The following KNTC1 variants were observed in gnomAD, a reference collection of about 807,000 sequenced individuals.
KNTC1 encodes the protein kinetochore associated 1, also known as kinetochore-associated protein 1.
In KNTC1, 253 loss-of-function variants were observed where a neutral mutation model predicts 314.4. The ratio of observed to expected loss-of-function variants is 0.80; its 90% confidence interval spans 0.73 to 0.89. The LOEUF (loss-of-function observed/expected upper bound fraction) is 0.89. Ranked by LOEUF, KNTC1 falls within the 40% of genes least tolerant of loss-of-function variation. KNTC1 has a pLI of 0.00. For missense variants in KNTC1, 2,475 were observed against 2,572.9 expected, an observed-to-expected ratio of 0.96 and a Z score of 0.82; for synonymous variants, 901 against 901.4, an observed-to-expected ratio of 1.00 and a Z score of 0.01.
At chr12:122,580,059 A>C in intron 32 of KNTC1, 82 bp downstream of exon 32, 1 of 872,152 alleles carries the variant, frequency 1.1e-6, no homozygotes. Context: ...GACAACTCTC[A>C]CCGTACCCGC....
At position 122,591,539 on chromosome 12, in the gene KNTC1, T is replaced by C. The variant is rs1192492960; in HGVS notation, c.4245+86T>C. On this transcript the variant is annotated intron_variant, in intron 42 of 63. Coordinates refer to ENST00000333479, the MANE Select transcript of KNTC1 (RefSeq NM_014708.6). Reference sequence around the variant, plus strand: ...ACAAAGATTCTGTTGTTCTTTACTTTTGGGAGGAGAGTGTATGTGTACTGC... The same window carrying C: ...ACAAAGATTCTGTTGTTCTTTACTTCTGGGAGGAGAGTGTATGTGTACTGC... The C allele has an allele frequency of 6.3e-6, 5 of 787,698 alleles. No individual in the cohort carries two copies. The East Asian group carries it at 9.9e-5, about 16-fold the overall frequency. The allele number at this position is 787,698 out of a possible 1,614,324, so 48.8% of individuals were successfully genotyped here. A position where few individuals can be genotyped will look rare whatever the true frequency, so the allele number is the denominator to read the frequency against.
At chr12:122,579,516 A>T (rs1965260534) in intron 31 of KNTC1, among the ~76,000 whole-genome samples, 1 of 152,118 alleles carries the variant, frequency 6.6e-6, no homozygotes, top group Admixed American at 6.6e-5. Flanking sequence ...AATTTTTTTA[A>T]ATAATCACTG....
At chr12:122,551,397 T>A in intron 14 of KNTC1, 35 bp downstream of exon 14, 1 of 1,575,310 alleles carries the variant, frequency 6.3e-7, no homozygotes, top group Non-Finnish European at 8.7e-7. Flanking sequence ...GTAATAGCTA[T>A]GTTAAATTTT....
Position 122,574,293 on chromosome 12 carries a change from T to C in KNTC1, c.2295T>C (p.Asn765=), listed in dbSNP as rs768380870. ...TTATCCCTTTTTAGGATTTACTGAATAGATGCAGCTCAAAGTCCACATCAC... is the reference window on the plus strand; with the variant it reads ...TTATCCCTTTTTAGGATTTACTGAACAGATGCAGCTCAAAGTCCACATCAC... ...LLLLYIEDLL[N]RCSSKSTSLF... Residue 765 remains asparagine (N), a synonymous_variant, in exon 27 of 64, where the codon AAT becomes AAC. Coordinates refer to ENST00000333479, the MANE Select transcript of KNTC1 (RefSeq NM_014708.6). The C allele has an allele frequency of 2.5e-6, 4 of 1,599,308 alleles. No individual in the cohort carries two copies. The highest frequency in any genetic ancestry group is 2.2e-5 in the South Asian group (2 of 89,688).
At chr12:122,614,794 T>C (rs1023217236) in intron 55 of KNTC1, among the ~76,000 whole-genome samples, 197 bp from the exon 56 acceptor site, 1 of 151,454 alleles carries the variant, frequency 6.6e-6, no homozygotes, top group African/African-American at 2.4e-5. Context: ...GGCAGGAGAA[T>C]CGCTTGAACC....
chr12:122,596,902 A>G (rs189738301), intron 43 of KNTC1, among the ~76,000 whole-genome samples: 16 of 152,120 alleles, frequency 1.1e-4, no homozygotes, highest in African/African-American at 2.2e-4. Flanking sequence ...TTTTGTTTCA[A>G]TTTCATTTAT....
chr12:122,539,630 AT>A (rs1962127626), intron 4 of KNTC1, 45 bp from the exon 5 acceptor site: 1 of 1,299,656 alleles, frequency 7.7e-7, no homozygotes, highest in Admixed American at 2.4e-5. Context: ...CCTTGATTGT[AT>A]TTTTCTATGT....
At chr12:122,543,687 T>A in intron 7 of KNTC1, 53 bp downstream of exon 7, 1 of 1,059,158 alleles carries the variant, frequency 9.4e-7, no homozygotes, top group South Asian at 1.5e-5. Flanking sequence ...TTAATATTAA[T>A]GTAGTAGAAT....
intron 5 of KNTC1, among the ~76,000 whole-genome samples, chr12:122,540,257 C>CT (rs1221169537): frequency 1.3e-5 from 2 of 150,978 alleles, no homozygotes; most frequent in African/African-American, 4.9e-5. Flanking sequence ...ACTGAAACCT[C>CT]TGCCTCCTGA....
intron 56 of KNTC1, 116 bp from the exon 57 acceptor site, chr12:122,615,354 T>C (rs1161629190): frequency 1.1e-6 from 1 of 897,914 alleles, no homozygotes; most frequent in Non-Finnish European, 1.7e-6. Context: ...CTGGCAGTTA[T>C]CATGGAAGAT....
At chr12:122,625,126 T>C (rs7309140) in intron 63 of KNTC1, among the ~76,000 whole-genome samples, 16,810 of 152,098 alleles carry the variant, frequency 0.11, 1,022 homozygotes, top group African/African-American at 0.14. Flanking sequence ...GAAGTATGGC[T>C]GGGCACGGTG....
chr12:122,615,892 TGTTTTCCTGA>T (rs1873711675), intron 57 of KNTC1, among the ~76,000 whole-genome samples: 2 of 152,212 alleles, frequency 1.3e-5, no homozygotes, highest in African/African-American at 4.8e-5. Context: ...CTGAAGATAC[TGTTTTCCTGA>T]GTTTTCCAGG....
chr12:122,560,338 A>T (rs900730078), intron 18 of KNTC1, among the ~76,000 whole-genome samples: 1 of 152,070 alleles, frequency 6.6e-6, no homozygotes, highest in African/African-American at 2.4e-5. Context: ...TCTTTTGAGC[A>T]TATACCCAGA....
chr12:122,588,101 T>C (rs1445706123), intron 39 of KNTC1, among the ~76,000 whole-genome samples: 2 of 152,132 alleles, frequency 1.3e-5, no homozygotes, highest in African/African-American at 2.4e-5. Context: ...AGTTTCCAGT[T>C]TACAAATGTG....
intron 31 of KNTC1, among the ~76,000 whole-genome samples, chr12:122,579,210 G>A (rs1371309177): frequency 2.7e-5 from 4 of 149,030 alleles, no homozygotes. Flanking sequence ...GACTACAGGC[G>A]CCCGCCACTA....
In KNTC1 at chr12:122,588,843, T is replaced by G. The variant is rs1323496849; in HGVS notation, c.3999+27T>G. ...TAAGTATTTGTTCTGGGTAAAAATT[T>G]TGTTTGTTTTTTTTTTGCCTTTTAC... On this transcript the variant is annotated intron_variant, in intron 40 of 63. Coordinates refer to ENST00000333479, the MANE Select transcript of KNTC1 (RefSeq NM_014708.6). 2.7e-6 allele frequency: 4 copies of G among 1,457,192 alleles called. No individual in the cohort carries two copies. In the Admixed American group the frequency reaches 8.1e-5, roughly 29 times the overall value. The allele number at this position is 1,457,192 out of a possible 1,614,324, so 90.3% of individuals were successfully genotyped here.
intron 53 of KNTC1, among the ~76,000 whole-genome samples, chr12:122,612,175 C>G (rs1873207619): frequency 6.6e-6 from 1 of 151,560 alleles, no homozygotes; most frequent in Admixed American, 6.6e-5. Context: ...AAGCAATTCT[C>G]CTGCCTCAGC....
chr12:122,618,667 G>T (rs1057201724), intron 59 of KNTC1, 122 bp downstream of exon 59: 8 of 692,318 alleles, frequency 1.2e-5, no homozygotes, highest in Admixed American at 7.7e-5. Flanking sequence ...ACACGTGTTT[G>T]TTGTTGTTGT....
chr12:122,545,111 A>G (rs1326393266), intron 8 of KNTC1, among the ~76,000 whole-genome samples: 5 of 152,224 alleles, frequency 3.3e-5, no homozygotes, highest in Non-Finnish European at 7.3e-5. Flanking sequence ...CATTATTGGT[A>G]TGTCACTTCC....
Sources: gnomAD v4.1 joint callset for allele counts (sites outside exome capture counted in the v4.1 genomes callset) on GRCh38, gnomAD v4.1.1 for gene constraint, MANE v1.5 for transcripts, NCBI Gene and HGNC (gene_info 2026-07-23, HGNC 2026-07-21) for gene names.